PCDHA9: variants seen among roughly 807,000 people sequenced by gnomAD.
PCDHA9 encodes the protein protocadherin alpha 9, also known as protocadherin alpha-9.
In PCDHA9, 62 loss-of-function variants were observed where a neutral mutation model predicts 62.0. The ratio of observed to expected loss-of-function variants is 1.00; its 90% confidence interval spans 0.81 to 1.23. The LOEUF (loss-of-function observed/expected upper bound fraction) is 1.23, where lower values mean the gene tolerates loss of function less well. Among genes scored for constraint, PCDHA9 ranks in the 50% most tolerant of loss-of-function variants. The probability of loss-of-function intolerance (pLI) is 0.00; values close to 1 mark genes in which losing one functional copy is unlikely to be tolerated. For synonymous variants in PCDHA9, 557 were observed against 567.6 expected, an observed-to-expected ratio of 0.98 and a Z score of 0.27; for missense variants, 1,205 against 1,249.8, an observed-to-expected ratio of 0.96 and a Z score of 0.54.
In PCDHA9 at chr5:140,869,324, T is replaced by C. The variant is rs1581884799; in HGVS notation, c.2394+18435T>C. 1.9e-6 allele frequency: 3 copies of C among 1,613,876 alleles called. No individual in the cohort carries two copies. In the East Asian group the frequency reaches 6.7e-5, roughly 36 times the overall value. On this transcript the variant is annotated intron_variant, in intron 1 of 3. Coordinates refer to ENST00000532602, the MANE Select transcript of PCDHA9 (RefSeq NM_031857.2). Reference sequence around the variant, plus strand: ...GTGGCGTCCAAAACACATGGGGACCTTCTGGAGGTAAATCTGCAGAATGGC... The same window carrying C: ...GTGGCGTCCAAAACACATGGGGACCCTCTGGAGGTAAATCTGCAGAATGGC...
intron 1 of PCDHA9, among the ~76,000 whole-genome samples, chr5:140,923,122 C>T (rs1405376878): frequency 6.6e-6 from 1 of 152,130 alleles, no homozygotes; most frequent in Non-Finnish European, 1.5e-5. Context: ...TTTTTAGGGT[C>T]ACACTTTGAA....
intron 1 of PCDHA9, among the ~76,000 whole-genome samples, chr5:140,907,086 A>T (rs1042352534): frequency 6.6e-6 from 1 of 152,136 alleles, no homozygotes; most frequent in East Asian, 1.9e-4. Context: ...GGTGATGGTA[A>T]GTGGTGCCAC....
At chr5:140,861,631 C>A (rs960525062) in intron 1 of PCDHA9, 2 of 314,942 alleles carry the variant, frequency 6.4e-6, no homozygotes, top group Non-Finnish European at 1.3e-5. Context: ...GTGTTCTCAG[C>A]AACACAAAAG....
At chr5:140,924,725 C>T (rs1015635507) in intron 1 of PCDHA9, among the ~76,000 whole-genome samples, 71 of 151,698 alleles carry the variant, frequency 4.7e-4, no homozygotes, top group African/African-American at 1.6e-3. Flanking sequence ...CGAAACCTCA[C>T]CTCTAATAAA....
At chr5:140,968,982 C>G in intron 1 of PCDHA9, 1 of 1,614,226 alleles carries the variant, frequency 6.2e-7, no homozygotes, top group Non-Finnish European at 8.5e-7. Flanking sequence ...GCGTATGGCA[C>G]TGCATGCTGT....
intron 1 of PCDHA9, among the ~76,000 whole-genome samples, chr5:140,897,765 C>T (rs1305140331): frequency 6.6e-6 from 1 of 152,216 alleles, no homozygotes; most frequent in Admixed American, 6.5e-5. Flanking sequence ...AATCGCCACA[C>T]TGACTTCCAC....
chr5:140,993,460 TCTCA>T (rs200310897), intron 3 of PCDHA9, among the ~76,000 whole-genome samples: 2,027 of 104,544 alleles, frequency 0.019, 23 homozygotes, highest in Admixed American at 0.035. Flanking sequence ...CTTCTTTCTT[TCTCA>T]CACACACACA....
chr5:141,006,503 G>A (rs1163915409), intron 3 of PCDHA9, among the ~76,000 whole-genome samples: 2 of 152,168 alleles, frequency 1.3e-5, no homozygotes, highest in South Asian at 2.1e-4. Context: ...GTGAGCCACC[G>A]CGCCTGGCTG....
intron 1 of PCDHA9, among the ~76,000 whole-genome samples, chr5:140,949,913 A>G (rs554549969): frequency 9.9e-5 from 15 of 151,452 alleles, no homozygotes; most frequent in Admixed American, 2.6e-4. Context: ...TTTAGATATA[A>G]CTATTTTTAG....
chr5:140,860,649 A>T (rs1256237065), intron 1 of PCDHA9: 2 of 152,282 alleles, frequency 1.3e-5, no homozygotes, highest in Non-Finnish European at 2.9e-5. Context: ...GAAGAAGATA[A>T]GTGAAATAAT....
chr5:140,913,960 T>A (rs114058923), intron 1 of PCDHA9, among the ~76,000 whole-genome samples: 2,762 of 152,276 alleles, frequency 0.018, 70 homozygotes, highest in African/African-American at 0.054. Context: ...ATATCATTTT[T>A]AAAAAAATAT....
At position 140,926,799 on chromosome 5, in the gene PCDHA9, T is replaced by G. The variant is rs561004739; in HGVS notation, c.2395-52150T>G. Reference sequence around the variant, plus strand: ...AGTGACGGCCGGCAGGAGCGTGCTCTTCCCCGCGGCTCGTGCTCTCCAGGA... The same window carrying G: ...AGTGACGGCCGGCAGGAGCGTGCTCGTCCCCGCGGCTCGTGCTCTCCAGGA... On this transcript the variant is annotated intron_variant, in intron 1 of 3. Transcript: ENST00000532602. The G allele has an allele frequency of 1.6e-4, 230 of 1,456,322 alleles. 2 individuals carry two copies. The African/African-American group carries it at 2.6e-3, about 16-fold the overall frequency. The allele number at this position is 1,456,322 out of a possible 1,614,324, so 90.2% of individuals were successfully genotyped here.
At chr5:140,967,268 C>T in intron 1 of PCDHA9, 1 of 1,613,522 alleles carries the variant, frequency 6.2e-7, no homozygotes, top group Non-Finnish European at 8.5e-7. Context: ...AGCGCGCTTT[C>T]ACATAGAGAG....
intron 1 of PCDHA9, chr5:140,884,538 G>C: frequency 6.2e-7 from 1 of 1,614,112 alleles, no homozygotes; most frequent in Non-Finnish European, 8.5e-7. Flanking sequence ...AGGCGGCCGA[G>C]GGTGTGCTCT....
At chr5:140,892,666 A>G (rs2063614919) in intron 1 of PCDHA9, among the ~76,000 whole-genome samples, 1 of 152,170 alleles carries the variant, frequency 6.6e-6, no homozygotes, top group Admixed American at 6.6e-5. Flanking sequence ...TGACATTTTG[A>G]TACATATATA....
At chr5:140,882,556 T>A (rs367760301) in intron 1 of PCDHA9, 11 of 1,614,194 alleles carry the variant, frequency 6.8e-6, no homozygotes, top group Non-Finnish European at 9.3e-6. Flanking sequence ...AGGAGCTGTG[T>A]GGGCGGAGCG....
chr5:140,875,505 C>T, intron 1 of PCDHA9: 6 of 1,613,560 alleles, frequency 3.7e-6, no homozygotes, highest in Non-Finnish European at 5.1e-6. Context: ...GCCCGGGATC[C>T]CAGCGTCTGC....
At chr5:140,884,435 T>C (rs1554181555) in intron 1 of PCDHA9, 1 of 1,613,872 alleles carries the variant, frequency 6.2e-7, no homozygotes, top group East Asian at 2.2e-5. Flanking sequence ...TGCGCTGCGG[T>C]GCTCGGCACC....
chr5:140,877,375 C>T (rs782650940), intron 1 of PCDHA9: 4 of 1,614,006 alleles, frequency 2.5e-6, no homozygotes, highest in South Asian at 1.1e-5. Flanking sequence ...CAGCACGACA[C>T]GCATCCTGGA....
Sources: allele counts gnomAD v4.1 joint callset (sites outside exome capture counted in the v4.1 genomes callset), GRCh38; gene constraint gnomAD v4.1.1; transcripts MANE v1.5; gene names NCBI Gene and HGNC (gene_info 2026-07-23, HGNC 2026-07-21).